WBP11: variants seen among roughly 807,000 people sequenced by gnomAD.
WBP11 encodes the protein WW domain-binding protein 11.
WBP11 carries 12 observed loss-of-function variants against 66.7 expected under a neutral mutation model. The ratio of observed to expected loss-of-function variants is 0.18; its 90% CI spans 0.12 to 0.29. WBP11 has a LOEUF of 0.29. Ranked by LOEUF, WBP11 falls within the 10% of genes least tolerant of loss-of-function variation. WBP11 has a pLI of 1.00. For missense variants in WBP11, 555 were observed against 818.3 expected (o/e 0.68, Z 3.93); for synonymous variants, 255 against 273.8 (o/e 0.93, Z 0.68).
intron 3 of WBP11, 152 bp downstream of exon 3, chr12:14,800,600 G>A: frequency 3.0e-6 from 2 of 668,886 alleles, no homozygotes; most frequent in South Asian, 4.2e-5. Context: ...CCTAAATAAA[G>A]TTTGGCTTAG....
At chr12:14,800,635 G>GCATA in intron 3 of WBP11, 117 bp downstream of exon 3, 1 of 1,007,674 alleles carries the variant, frequency 9.9e-7, no homozygotes, top group Non-Finnish European at 1.5e-6. Flanking sequence ...TTTATAAAAA[G>GCATA]CATAAAGTAC....
At chr12:14,801,192 C>T in intron 2 of WBP11, 128 bp downstream of exon 2, 2 of 882,864 alleles carry the variant, frequency 2.3e-6, no homozygotes, top group Non-Finnish European at 3.5e-6. Flanking sequence ...CCATACAAAC[C>T]CTGAATATAT....
In WBP11 at chr12:14,787,261, C is replaced by T. The variant is rs1208666302; in HGVS notation, c.1730G>A (p.Arg577Gln). The stretch of plus-strand genomic sequence containing the variant: ...TACTCTCAGTGCAGTGGGCACAAAT[C>T]GAGTAATCTCTGCCTTGGGATTAGT... ...QITNPKAEITRFVPTALRVRR... is the reference protein window; with the variant it reads ...QITNPKAEITQFVPTALRVRR... The change falls in exon 12 of 12, where the codon CGA becomes CAA. Residue 577 changes from arginine to glutamine, a missense_variant. Around this residue, in one of 6 missense-constraint regions of WBP11, gnomAD observed 7 missense variants for 28.1 expected, o/e 0.25. Transcript: ENST00000261167. 6.2e-7 allele frequency: 1 copy of T among 1,614,174 alleles called. No individual in the cohort carries two copies. Among genetic ancestry groups the T allele is most frequent in the Admixed American group, 1.7e-5 (1 of 60,018 alleles).
Position 14,786,992 on chromosome 12 carries a change from CTAAGTT to C in WBP11, c.*67_*72del, listed in dbSNP as rs1406869246. The stretch of plus-strand genomic sequence containing the variant: ...CTGACAATGGAAGCAGCTCTTTCAT[CTAAGTT>C]TAATAAGAGCCTCTTTCTCCATGGG... On this transcript the variant is annotated 3_prime_UTR_variant, in exon 12 of 12. Transcript: ENST00000261167. 10 of 1,403,044 alleles carry C rather than the reference CTAAGTT, an allele frequency of 7.1e-6. No individual in the cohort carries two copies. In the East Asian group the frequency reaches 2.4e-4, roughly 34 times the overall value. The allele number at this position is 1,403,044 out of a possible 1,614,324, so 86.9% of individuals were successfully genotyped here. A position where few individuals can be genotyped will look rare whatever the true frequency, so the allele number is the denominator to read the frequency against.
rs1291214181 is a variant in WBP11, at chr12:14,803,387, T to C, written c.-81A>G. The C allele has an allele frequency of 5.0e-6, 2 of 398,508 alleles. No individual in the cohort carries two copies. The highest frequency in any genetic ancestry group is 8.8e-6 in the Non-Finnish European group (2 of 226,122). The allele number at this position is 398,508 out of a possible 1,614,324, so 24.7% of individuals were successfully genotyped here. ...TGCTCCCAGGACTACGAGAAGCGGG[T>C]AGGGGGCGACTCCCGGCCTCTTTCA... On this transcript the variant is annotated 5_prime_UTR_variant, in exon 1 of 12. Transcript: ENST00000261167.
At chr12:14,790,104 G>C (rs1949803776) in intron 10 of WBP11, among the ~76,000 whole-genome samples, 1 of 152,174 alleles carries the variant, frequency 6.6e-6, no homozygotes, top group Admixed American at 6.5e-5. Flanking sequence ...ATTATTAACT[G>C]TGTCTTACTC....
rs1255439632 is a variant in WBP11 at position 14,789,061 on chromosome 12, C to T, written c.1382G>A (p.Gly461Glu). 1 of 1,515,672 alleles carries T rather than the reference C, an allele frequency of 6.6e-7. No individual in the cohort carries two copies. 93.9% of individuals were successfully genotyped at this position (1,515,672 alleles called of 1,614,324 possible). A position where few individuals can be genotyped will look rare whatever the true frequency, so the allele number is the denominator to read the frequency against. The stretch of plus-strand genomic sequence containing the variant: ...GCCAGGGGGTCGGCCTGGTGGTGGT[C>T]CTGGAGGTAAAAGTCGGGGTAAGGG... The part of the protein sequence containing the change: ...RGPLPRLLPP[G>E]PPPGRPPGPP... Residue 461 changes from glycine (G) to glutamate (E), a missense_variant, in exon 11 of 12, where the codon GGA becomes GAA. By Grantham distance (98) the Gly-to-Glu change is moderately conservative. Coordinates refer to ENST00000261167, the MANE Select transcript of WBP11 (RefSeq NM_016312.3).
chr12:14,803,326 G>A (rs1310072476), intron 1 of WBP11, 26 bp downstream of exon 1: 1 of 398,406 alleles, frequency 2.5e-6, no homozygotes. Flanking sequence ...GTGAGGAAGA[G>A]TAGTAAATCA....
chr12:14,794,897 G>T, intron 6 of WBP11, 74 bp downstream of exon 6: 1 of 1,607,218 alleles, frequency 6.2e-7, no homozygotes, highest in Non-Finnish European at 8.5e-7. Context: ...ATTTCCCTCT[G>T]CATTAATTTT....
In WBP11 at chr12:14,790,863, AAT is replaced by A. The variant is rs1312017071; in HGVS notation, c.1016-116_1016-115del. ...AATGTGTTCTCAAAATTAAAAACCA[AAT>A]AGTCTTCTTCAATAAAATACTTAGA... On this transcript the variant is annotated intron_variant, in intron 9 of 11. Coordinates refer to ENST00000261167, the MANE Select transcript of WBP11 (RefSeq NM_016312.3). The A allele has an allele frequency of 5.8e-6, 6 of 1,027,964 alleles. No individual in the cohort carries two copies. In the African/African-American group the frequency reaches 8.1e-5, roughly 14 times the overall value. 63.7% of individuals were successfully genotyped at this position (1,027,964 alleles called of 1,614,324 possible).
Position 14,785,404 on chromosome 12 carries a change from T to C in WBP11, c.*1661A>G, listed in dbSNP as rs1181889605. On this transcript the variant is annotated 3_prime_UTR_variant, in exon 12 of 12. Transcript: ENST00000261167. ...AACTAACAATATTGATACCATATGG[T>C]TTGATCCTTGATATCCGTAAGTTAT... 6.6e-6 allele frequency: 1 copy of C among 152,188 alleles called. No individual in the cohort carries two copies. Among genetic ancestry groups the C allele is most frequent in the Non-Finnish European group, 1.5e-5 (1 of 68,030 alleles). The allele number at this position is 152,188 out of a possible 1,614,324, so 9.4% of individuals were successfully genotyped here. A position where few individuals can be genotyped will look rare whatever the true frequency, so the allele number is the denominator to read the frequency against.
At chr12:14,797,515 C>T (rs1415181666) in intron 4 of WBP11, among the ~76,000 whole-genome samples, 3 of 152,192 alleles carry the variant, frequency 2.0e-5, no homozygotes, top group Non-Finnish European at 4.4e-5. Flanking sequence ...GTATTCCTGG[C>T]CTAGCTACTA....
At chr12:14,788,066 C>T (rs1949774982) in intron 11 of WBP11, among the ~76,000 whole-genome samples, 1 of 152,056 alleles carries the variant, frequency 6.6e-6, no homozygotes, top group African/African-American at 2.4e-5. Context: ...ATGATGAAAC[C>T]CTGTCTCTAC....
In WBP11 at chr12:14,784,890, A is replaced by G. The variant is rs1407212010; in HGVS notation, c.*2175T>C. 6.6e-6 allele frequency: 1 copy of G among 152,152 alleles called. No homozygotes were observed. The highest frequency in any genetic ancestry group is 2.4e-5 in the African/African-American group (1 of 41,412). The allele number at this position is 152,152 out of a possible 1,614,324, so 9.4% of individuals were successfully genotyped here. On this transcript the variant is annotated 3_prime_UTR_variant, in exon 12 of 12. Transcript: ENST00000261167. ...TCATAACAAGTGTACCCAGAATCAG[A>G]ACTGCTAATTAATTCCCCTTTCCTG...
chr12:14,795,319 T>C (rs1949879810), intron 5 of WBP11, among the ~76,000 whole-genome samples: 1 of 152,144 alleles, frequency 6.6e-6, no homozygotes, highest in African/African-American at 2.4e-5. Flanking sequence ...ACCCAGCTGT[T>C]TTTTTTCTCC....
At chr12:14,790,090 A>T (rs1949803596) in intron 10 of WBP11, among the ~76,000 whole-genome samples, 1 of 152,252 alleles carries the variant, frequency 6.6e-6, no homozygotes, top group Non-Finnish European at 1.5e-5. Flanking sequence ...TAAGAACACA[A>T]GACATTATTA....
At position 14,803,408 on chromosome 12, in the gene WBP11, T is replaced by C; in HGVS notation, c.-102A>G. On this transcript the variant is annotated 5_prime_UTR_variant, in exon 1 of 12. Transcript: ENST00000261167. ...CGGGTAGGGGGCGACTCCCGGCCTC[T>C]TTCACTTCGTAAAGGCCTTCAACTG... 2.5e-6 allele frequency: 1 copy of C among 398,750 alleles called. No homozygotes were observed. Among genetic ancestry groups the C allele is most frequent in the East Asian group, 3.6e-5 (1 of 28,076 alleles). The allele number at this position is 398,750 out of a possible 1,614,324, so 24.7% of individuals were successfully genotyped here. A position where few individuals can be genotyped will look rare whatever the true frequency, so the allele number is the denominator to read the frequency against.
At chr12:14,798,675 T>G (rs1186881128) in intron 4 of WBP11, among the ~76,000 whole-genome samples, 1 of 152,142 alleles carries the variant, frequency 6.6e-6, no homozygotes, top group Non-Finnish European at 1.5e-5. Flanking sequence ...CCTAATGCCA[T>G]GACTGAATTT....
intron 8 of WBP11, 85 bp downstream of exon 8, chr12:14,793,646 C>T: frequency 6.9e-7 from 1 of 1,454,580 alleles, no homozygotes; most frequent in South Asian, 1.4e-5. Flanking sequence ...TTTCAGAGTA[C>T]TCTCACAGAT....
Sources: gnomAD v4.1 joint callset for allele counts (sites outside exome capture counted in the v4.1 genomes callset) on GRCh38, gnomAD v4.1.1 for gene constraint, gnomAD v4.1.1 regional missense constraint, MANE v1.5 for transcripts, NCBI Gene and HGNC (gene_info 2026-07-23, HGNC 2026-07-21) for gene names.